The following TBC1D32 variants were observed in gnomAD, a reference collection of about 807,000 sequenced individuals.
TBC1D32 encodes protein broad-minded.
A neutral mutation model predicts 170.3 loss-of-function variants in TBC1D32; 151 were observed. That is an observed-to-expected ratio of 0.89 (90% CI 0.78 to 1.01). The LOEUF (loss-of-function observed/expected upper bound fraction) is 1.01, where lower values mean the gene tolerates loss of function less well. Ranked by LOEUF, TBC1D32 falls within the 50% of genes least tolerant of loss-of-function variation. The probability of loss-of-function intolerance (pLI) is 0.00; values close to 1 mark genes in which losing one functional copy is unlikely to be tolerated. For missense variants in TBC1D32, 1,464 were observed against 1,457.1 expected, an observed-to-expected ratio of 1.00 and a Z score of -0.08; for synonymous variants, 498 against 488.0, an observed-to-expected ratio of 1.02 and a Z score of -0.27.
rs1805343258 is a variant in TBC1D32, at chr6:121,294,629, T to C, written c.1172A>G (p.Tyr391Cys). Reference protein sequence around the residue: ...VTTAIQQCVQYFEMCKTRKAD... With the variant: ...VTTAIQQCVQCFEMCKTRKAD... ...TTTCCTAGTCTTACACATTTCAAAG[T>C]ACTGAACACACTGTTGAATGGCTGT... The change falls in exon 11 of 32, where the codon TAC (tyrosine) becomes TGC (cysteine). Residue 391 changes from tyrosine (Y) to cysteine (C), a missense_variant. Tyr to Cys is a radical substitution (Grantham distance 194, BLOSUM62 -2). Coordinates refer to ENST00000398212, the MANE Select transcript of TBC1D32 (RefSeq NM_152730.6). 4 of 1,612,656 alleles carry C rather than the reference T, an allele frequency of 2.5e-6. No individual in the cohort carries two copies. Among genetic ancestry groups the C allele is most frequent in the Non-Finnish European group, 3.4e-6 (4 of 1,179,394 alleles).
chr6:121,112,351 T>C, intron 29 of TBC1D32, 154 bp downstream of exon 29: 2 of 602,682 alleles, frequency 3.3e-6, no homozygotes, highest in Non-Finnish European at 5.1e-6. Flanking sequence ...ATCAAATCTA[T>C]ATAATCAAAG....
chr6:121,132,486 T>C (rs1410966665), intron 24 of TBC1D32, among the ~76,000 whole-genome samples: 1 of 151,972 alleles, frequency 6.6e-6, no homozygotes, highest in Non-Finnish European at 1.5e-5. Context: ...TTAGTCACAT[T>C]TTCACAGTTT....
intron 3 of TBC1D32, 136 bp downstream of exon 3, chr6:121,317,359 T>C (rs1809073185): frequency 8.8e-6 from 5 of 568,104 alleles, no homozygotes; most frequent in Non-Finnish European, 1.4e-5. Flanking sequence ...AAATATTTAA[T>C]ATTAGGTTAT....
chr6:121,261,529 C>G (rs1189463241), intron 15 of TBC1D32, among the ~76,000 whole-genome samples: 2 of 152,130 alleles, frequency 1.3e-5, no homozygotes, highest in African/African-American at 4.8e-5. Context: ...CACAGCAGCC[C>G]TACAGAAGAG....
At chr6:121,153,810 C>T (rs554283443) in intron 24 of TBC1D32, among the ~76,000 whole-genome samples, 1 of 152,168 alleles carries the variant, frequency 6.6e-6, no homozygotes, top group East Asian at 1.9e-4. Context: ...AAAACCACCA[C>T]TCAAGCCTTA....
At chr6:121,261,971 G>A (rs1799823927) in intron 15 of TBC1D32, among the ~76,000 whole-genome samples, 2 of 152,014 alleles carry the variant, frequency 1.3e-5, no homozygotes, top group Admixed American at 6.6e-5. Context: ...AACACAACAC[G>A]AAAACTCTGT....
At chr6:121,141,143 A>T (rs1782736594) in intron 24 of TBC1D32, among the ~76,000 whole-genome samples, 1 of 150,336 alleles carries the variant, frequency 6.7e-6, no homozygotes, top group Non-Finnish European at 1.5e-5. Flanking sequence ...TAAATACATA[A>T]ACTCACTGTA....
rs776723368 is a variant in TBC1D32, at chr6:121,304,848, C to T, written c.691-15G>A. 1 of 1,583,638 alleles carries T rather than the reference C, an allele frequency of 6.3e-7. No homozygotes were observed. The highest frequency in any genetic ancestry group is 1.8e-5 in the Admixed American group (1 of 56,358). On this transcript the variant is annotated splice_polypyrimidine_tract_variant and intron_variant, in intron 5 of 31. Coordinates refer to ENST00000398212, the MANE Select transcript of TBC1D32 (RefSeq NM_152730.6). ...AAAATCCGGTCCTACGGAAATGAGA[C>T]AGAAAATTTGCATCTAAGATCTCAC...
intron 5 of TBC1D32, among the ~76,000 whole-genome samples, chr6:121,306,136 G>A (rs1807290217): frequency 6.6e-6 from 1 of 152,132 alleles, no homozygotes; most frequent in Non-Finnish European, 1.5e-5. Context: ...TTTTCACCTT[G>A]AAGTTCTTGG....
At chr6:121,212,450 CTTTTTTTTTTT>C (rs3076854) in intron 21 of TBC1D32, among the ~76,000 whole-genome samples, 7,126 of 102,274 alleles carry the variant, frequency 0.07, 215 homozygotes, top group African/African-American at 0.099. Flanking sequence ...GTCAATATCT[CTTTTTTTTTTT>C]TTTTTTTTTT....
At chr6:121,180,885 C>T (rs56758376) in intron 22 of TBC1D32, among the ~76,000 whole-genome samples, 1,894 of 151,906 alleles carry the variant, frequency 0.012, 38 homozygotes, top group African/African-American at 0.043. Context: ...AACTCAGTAA[C>T]AAATAATGAT....
intron 26 of TBC1D32, among the ~76,000 whole-genome samples, chr6:121,120,449 C>A (rs980656520): frequency 6.6e-6 from 1 of 151,888 alleles, no homozygotes; most frequent in Non-Finnish European, 1.5e-5. Flanking sequence ...GAGAGCTATA[C>A]GAATTGGAGA....
At chr6:121,189,039 GAATT>G (rs894235119) in intron 22 of TBC1D32, among the ~76,000 whole-genome samples, 1 of 151,920 alleles carries the variant, frequency 6.6e-6, no homozygotes, top group Non-Finnish European at 1.5e-5. Flanking sequence ...TAACAAAACC[GAATT>G]AATATGATTT....
intron 26 of TBC1D32, among the ~76,000 whole-genome samples, chr6:121,118,886 T>C (rs982269284): frequency 6.6e-6 from 1 of 152,214 alleles, no homozygotes; most frequent in African/African-American, 2.4e-5. Flanking sequence ...ACCAGTCTAC[T>C]GTACATGTCT....
chr6:121,178,755 T>C (rs1220259671), intron 22 of TBC1D32, among the ~76,000 whole-genome samples: 1 of 152,160 alleles, frequency 6.6e-6, no homozygotes, highest in Non-Finnish European at 1.5e-5. Context: ...TTGTTGGGTG[T>C]CTCCTGTGCT....
At chr6:121,306,871 A>T (rs961812391) in intron 5 of TBC1D32, among the ~76,000 whole-genome samples, 4 of 152,182 alleles carry the variant, frequency 2.6e-5, no homozygotes, top group African/African-American at 9.7e-5. Context: ...ATTATTTTCT[A>T]AAATCTCAAC....
intron 21 of TBC1D32, among the ~76,000 whole-genome samples, chr6:121,205,855 G>A (rs1792182640): frequency 6.6e-6 from 1 of 152,118 alleles, no homozygotes. Context: ...TGATGATCTA[G>A]GTGCCAGCAG....
chr6:121,315,904 A>C (rs1808872460), intron 3 of TBC1D32, among the ~76,000 whole-genome samples: 1 of 152,168 alleles, frequency 6.6e-6, no homozygotes, highest in African/African-American at 2.4e-5. Context: ...CCAAAAGTCC[A>C]GGGATACCAT....
chr6:121,307,451 T>C (rs1807502022), intron 5 of TBC1D32, among the ~76,000 whole-genome samples: 1 of 152,208 alleles, frequency 6.6e-6, no homozygotes, highest in Admixed American at 6.5e-5. Context: ...AGCAGTGTAT[T>C]ATTTGGCAAT....
Sources: gnomAD v4.1 joint callset for allele counts (sites outside exome capture counted in the v4.1 genomes callset) on GRCh38, gnomAD v4.1.1 for gene constraint, MANE v1.5 for transcripts, NCBI Gene and HGNC (gene_info 2026-07-23, HGNC 2026-07-21) for gene names.